Variants in ADORA2B observed in about 807,000 individuals in gnomAD.
ADORA2B encodes adenosine A2b receptor, also known as adenosine receptor A2b.
ADORA2B carries 18 observed loss-of-function variants against 20.8 expected under a neutral mutation model. That is an observed-to-expected ratio of 0.87 (90% CI 0.60 to 1.29). The LOEUF (loss-of-function observed/expected upper bound fraction) is 1.29. ADORA2B is among the 50% of genes most tolerant of loss of function. The pLI is 0.00. For synonymous variants in ADORA2B, 179 were observed against 178.3 expected (o/e 1.00, Z -0.03); for missense variants, 441 against 422.7 (o/e 1.04, Z -0.38).
chr17:15,926,693 A>G, the ADORA2B span, among the ~76,000 whole-genome samples: 1 of 152,224 alleles, frequency 6.6e-6, no homozygotes. Context: ...AGTTCTGAGC[A>G]GGACCTAATT....
chr17:15,861,165 A>G, the ADORA2B span, among the ~76,000 whole-genome samples: 1 of 152,216 alleles, frequency 6.6e-6, no homozygotes, highest in Non-Finnish European at 1.5e-5. Context: ...TAAAAGGAGG[A>G]TGCTGGACAG....
At chr17:15,878,435 C>T in the ADORA2B span, among the ~76,000 whole-genome samples, 2 of 152,142 alleles carry the variant, frequency 1.3e-5, no homozygotes, top group African/African-American at 2.4e-5. Flanking sequence ...GGCACAACAT[C>T]CTGGGTCCCA....
chr17:15,856,704 C>T, the ADORA2B span, among the ~76,000 whole-genome samples: 1 of 152,202 alleles, frequency 6.6e-6, no homozygotes, highest in African/African-American at 2.4e-5. Flanking sequence ...AAAGGTCACT[C>T]TTGCTGTCTT....
chr17:15,945,653 CGGGGTT>C, intron 1 of ADORA2B, 70 bp downstream of exon 1: 9 of 1,377,726 alleles, frequency 6.5e-6, no homozygotes, highest in Non-Finnish European at 8.6e-6. Context: ...TTCTCCAGGC[CGGGGTT>C]CCTCCCTCGG....
At chr17:15,949,902 G>A (rs1969874758) in intron 1 of ADORA2B, among the ~76,000 whole-genome samples, 1 of 152,122 alleles carries the variant, frequency 6.6e-6, no homozygotes, top group African/African-American at 2.4e-5. Flanking sequence ...CTGGCTCTGG[G>A]TTGTATCCTC....
the ADORA2B span, among the ~76,000 whole-genome samples, chr17:15,874,072 ATATATATATG>A: frequency 5.3e-5 from 7 of 132,852 alleles, no homozygotes; most frequent in Admixed American, 7.4e-5. Context: ...GTGTGTGTAT[ATATATATATG>A]TATATATATG....
the ADORA2B span, among the ~76,000 whole-genome samples, chr17:15,937,623 A>G: frequency 2.7e-5 from 4 of 150,360 alleles, no homozygotes; most frequent in Admixed American, 2.7e-4. Context: ...CCCAGGCTGG[A>G]GTGCAATGGC....
the ADORA2B span, among the ~76,000 whole-genome samples, chr17:15,871,324 A>G: frequency 6.6e-6 from 1 of 152,218 alleles, no homozygotes; most frequent in African/African-American, 2.4e-5. Context: ...AGCTGGGCCC[A>G]TCAGCCTCTT....
the ADORA2B span, among the ~76,000 whole-genome samples, chr17:15,886,643 C>G: frequency 7.7e-6 from 1 of 130,342 alleles, no homozygotes; most frequent in Non-Finnish European, 1.6e-5. Context: ...TTAGAAGCAG[C>G]AAGCAAGGAA....
chr17:15,855,578 CT>C, the ADORA2B span, among the ~76,000 whole-genome samples: 1 of 150,266 alleles, frequency 6.7e-6, no homozygotes, highest in Admixed American at 6.6e-5. Flanking sequence ...TTCTGAAATG[CT>C]TTTTTTTAAT....
At chr17:15,853,790 A>G in the ADORA2B span, among the ~76,000 whole-genome samples, 2 of 152,308 alleles carry the variant, frequency 1.3e-5, no homozygotes, top group East Asian at 3.9e-4. Flanking sequence ...AAAAAAGGTA[A>G]ACTTTCTTAG....
At chr17:15,969,101 C>T in intron 1 of ADORA2B, among the ~76,000 whole-genome samples, 1 of 152,150 alleles carries the variant, frequency 6.6e-6, no homozygotes, top group South Asian at 2.1e-4. Flanking sequence ...GTGTCCTTCC[C>T]CACATGCCCT....
At chr17:15,966,329 G>A (rs185818024) in intron 1 of ADORA2B, among the ~76,000 whole-genome samples, 3 of 152,330 alleles carry the variant, frequency 2.0e-5, no homozygotes, top group East Asian at 1.9e-4. Flanking sequence ...GGTTGGAGGC[G>A]GGTTCTGGGG....
In ADORA2B at chr17:15,962,859, G is replaced by A. The variant is rs140023757; in HGVS notation, c.336-11820G>A. Among the ~76,000 whole-genome samples, 574 of 152,286 alleles carry A rather than the reference G, an allele frequency of 3.8e-3. 5 individuals are homozygous for A. The highest frequency in any genetic ancestry group is 0.013 in the African/African-American group (535 of 41,560). ...ATGCCCAAATTCAGCCAGTGAGAGA[G>A]GGCCCTTACAAGGTCACTTCTGTTT... is the stretch of plus-strand genomic sequence containing the variant. On this transcript the variant is annotated intron_variant, in intron 1 of 1. Transcript: ENST00000304222.
chr17:15,883,221 A>G, the ADORA2B span, among the ~76,000 whole-genome samples: 2 of 152,196 alleles, frequency 1.3e-5, no homozygotes, highest in African/African-American at 4.8e-5. Flanking sequence ...TTCTTTAATT[A>G]TTACATATTA....
At chr17:15,885,034 C>T in the ADORA2B span, among the ~76,000 whole-genome samples, 1 of 152,192 alleles carries the variant, frequency 6.6e-6, no homozygotes, top group Non-Finnish European at 1.5e-5. Context: ...TACACTCCGA[C>T]CAGCAGTGTA....
At chr17:15,860,345 A>T in the ADORA2B span, among the ~76,000 whole-genome samples, 12,438 of 152,030 alleles carry the variant, frequency 0.082, 1,431 homozygotes, top group African/African-American at 0.25. Flanking sequence ...TTTTTATTGA[A>T]CCGGGCCCTG....
chr17:15,891,408 G>A, the ADORA2B span, among the ~76,000 whole-genome samples: 7 of 152,264 alleles, frequency 4.6e-5, no homozygotes, highest in African/African-American at 1.7e-4. Flanking sequence ...ACTTATGTGT[G>A]CGTTTGCTTT....
At chr17:15,850,875 C>A in the ADORA2B span, among the ~76,000 whole-genome samples, 4 of 152,084 alleles carry the variant, frequency 2.6e-5, no homozygotes. Context: ...CCGTGAGGAC[C>A]AAGATTTTTG....
Sources: gnomAD v4.1 joint callset for allele counts (sites outside exome capture counted in the v4.1 genomes callset) on GRCh38, gnomAD v4.1.1 for gene constraint, MANE v1.5 for transcripts, NCBI Gene and HGNC (gene_info 2026-07-23, HGNC 2026-07-21) for gene names.